APLP2: variants seen among roughly 807,000 people sequenced by gnomAD.
APLP2 encodes CDEI box-binding protein.
Under a neutral mutation model 89.9 loss-of-function variants are expected in APLP2, and 53 were observed. The observed-to-expected ratio is 0.59, with a 90% CI of 0.47 to 0.74. APLP2 has a LOEUF of 0.74. APLP2 is among the 30% of genes least tolerant of loss of function. APLP2 has a pLI of 0.00. For synonymous variants in APLP2, 372 were observed against 348.6 expected, an observed-to-expected ratio of 1.07 and a Z score of -0.75; for missense variants, 973 against 975.9, an observed-to-expected ratio of 1.00 and a Z score of 0.04.
chr11:130,096,721 A>C (rs927303360), intron 1 of APLP2, among the ~76,000 whole-genome samples: 1 of 152,182 alleles, frequency 6.6e-6, no homozygotes, highest in Non-Finnish European at 1.5e-5. Flanking sequence ...CTGTCTCTAA[A>C]AAATACCAAA....
Position 130,143,334 on chromosome 11 carries a change from T to G in APLP2, c.2155-13T>G. 6.2e-7 allele frequency: 1 copy of G among 1,612,926 alleles called. No individual in the cohort carries two copies. The highest frequency in any genetic ancestry group is 8.5e-7 in the Non-Finnish European group (1 of 1,179,184). ...CCAGACACCACAATGACCCTCAGGTTTTGTTCTTCCAGGTTGATCCAATGC... is the reference window on the plus strand; with the variant it reads ...CCAGACACCACAATGACCCTCAGGTGTTGTTCTTCCAGGTTGATCCAATGC... On this transcript the variant is annotated splice_polypyrimidine_tract_variant and intron_variant, in intron 16 of 16. Coordinates refer to ENST00000338167, the MANE Select transcript of APLP2 (RefSeq NM_001142276.2).
chr11:130,081,855 A>T (rs762073255), intron 1 of APLP2, among the ~76,000 whole-genome samples: 18 of 151,472 alleles, frequency 1.2e-4, no homozygotes, highest in Non-Finnish European at 2.1e-4. Context: ...GATATCTTTT[A>T]AAAAAAAATC....
rs1952671686 is a variant in APLP2, at chr11:130,143,523, A to AAGC, written c.*82_*84dup. ...GATCCCACGATTCCGATCGACTGCC[A>AAGC]AGCAGCAGCCGCTGCCAGGGGCTGC... On this transcript the variant is annotated 3_prime_UTR_variant, in exon 17 of 17. Coordinates refer to ENST00000338167, the MANE Select transcript of APLP2 (RefSeq NM_001142276.2). 7.7e-7 allele frequency: 1 copy of AAGC among 1,299,770 alleles called. No homozygotes were observed. The highest frequency in any genetic ancestry group is 1.7e-5 in the Admixed American group (1 of 58,976). 80.5% of individuals were successfully genotyped at this position (1,299,770 alleles called of 1,614,324 possible). A position where few individuals can be genotyped will look rare whatever the true frequency, so the allele number is the denominator to read the frequency against.
chr11:130,117,624 C>G (rs2135901424), intron 3 of APLP2, among the ~76,000 whole-genome samples: 1 of 152,196 alleles, frequency 6.6e-6, no homozygotes, highest in South Asian at 2.1e-4. Flanking sequence ...AGGCTGGTCT[C>G]AGTTCTTTTG....
At chr11:130,131,506 G>A (rs1177866155) in intron 11 of APLP2, among the ~76,000 whole-genome samples, 2 of 152,178 alleles carry the variant, frequency 1.3e-5, no homozygotes, top group East Asian at 1.9e-4. Context: ...AAAGGGGCTG[G>A]GTTGGAGACC....
intron 1 of APLP2, chr11:130,108,852 A>G (rs961422352): frequency 4.6e-5 from 7 of 152,248 alleles, no homozygotes; most frequent in Non-Finnish European, 7.3e-5. Flanking sequence ...GGCACATACC[A>G]TGGAATACTA....
chr11:130,114,955 C>A (rs1340779272), intron 3 of APLP2, among the ~76,000 whole-genome samples: 1 of 152,190 alleles, frequency 6.6e-6, no homozygotes, highest in East Asian at 1.9e-4. Flanking sequence ...CCTTTGAGTT[C>A]ATGACAGCCA....
At chr11:130,128,193 G>C (rs988362859) in intron 9 of APLP2, among the ~76,000 whole-genome samples, 2 of 152,136 alleles carry the variant, frequency 1.3e-5, no homozygotes, top group Non-Finnish European at 2.9e-5. Context: ...AAAGTCAAAG[G>C]ATAGAAAATA....
intron 1 of APLP2, among the ~76,000 whole-genome samples, chr11:130,094,866 G>A (rs1945981334): frequency 6.6e-6 from 1 of 152,202 alleles, no homozygotes; most frequent in Admixed American, 6.5e-5. Context: ...GATGAAGCAG[G>A]GAAATGGAGG....
At chr11:130,091,714 G>C (rs1307683168) in intron 1 of APLP2, among the ~76,000 whole-genome samples, 1 of 102,534 alleles carries the variant, frequency 9.8e-6, no homozygotes, top group African/African-American at 4.3e-5. Flanking sequence ...CTGGCCGGGC[G>C]GGGGGCTGAC....
chr11:130,088,782 A>G (rs1944477629), intron 1 of APLP2, among the ~76,000 whole-genome samples: 1 of 152,078 alleles, frequency 6.6e-6, no homozygotes, highest in Admixed American at 6.6e-5. Flanking sequence ...CTCCCAACTT[A>G]TAATATTAAT....
At chr11:130,120,028 T>C (rs1949641623) in intron 3 of APLP2, among the ~76,000 whole-genome samples, 1 of 152,226 alleles carries the variant, frequency 6.6e-6, no homozygotes, top group African/African-American at 2.4e-5. Flanking sequence ...GTAATGTCCC[T>C]GAGTTTGGAT....
intron 13 of APLP2, chr11:130,138,647 G>A (rs1032987419): frequency 6.9e-5 from 10 of 144,318 alleles, no homozygotes; most frequent in Non-Finnish European, 1.3e-4. Context: ...GTGCAGTGGT[G>A]CGGTCTTGGC....
At chr11:130,137,151 A>G in intron 13 of APLP2, 1 of 1,043,810 alleles carries the variant, frequency 9.6e-7, no homozygotes, top group Non-Finnish European at 1.5e-6. Context: ...TTTTGTTCAC[A>G]TTATAGAGAA....
intron 7 of APLP2, 140 bp from the exon 8 acceptor site, chr11:130,126,560 C>T (rs1205050518): frequency 1.1e-6 from 1 of 951,448 alleles, no homozygotes; most frequent in Non-Finnish European, 1.6e-6. Flanking sequence ...CAAGTGAAGT[C>T]TTGGCAGATA....
At chr11:130,070,270 G>C (rs1245264781) in intron 1 of APLP2, among the ~76,000 whole-genome samples, 188 bp downstream of exon 1, 2 of 151,232 alleles carry the variant, frequency 1.3e-5, no homozygotes, top group South Asian at 2.1e-4. Context: ...GCTGGAGGTC[G>C]GGCTGCCTCA....
intron 1 of APLP2, among the ~76,000 whole-genome samples, chr11:130,091,340 G>A (rs868732886): frequency 8.5e-3 from 1,153 of 135,108 alleles, no homozygotes; most frequent in African/African-American, 0.038. Flanking sequence ...CCTCCCTCCC[G>A]GACGGGGCGG....
At chr11:130,140,974 T>G (rs1952299608) in intron 14 of APLP2, 1 of 153,448 alleles carries the variant, frequency 6.5e-6, no homozygotes, top group Admixed American at 6.4e-5. Context: ...TGGCATGATC[T>G]CTGCTCACTG....
chr11:130,137,155 T>C (rs1305166770), intron 13 of APLP2: 2 of 1,069,332 alleles, frequency 1.9e-6, no homozygotes, highest in Non-Finnish European at 2.8e-6. Flanking sequence ...GTTCACATTA[T>C]AGAGAAATTC....
Sources: allele counts gnomAD v4.1 joint callset (sites outside exome capture counted in the v4.1 genomes callset), GRCh38; gene constraint gnomAD v4.1.1; transcripts MANE v1.5; gene names NCBI Gene and HGNC (gene_info 2026-07-23, HGNC 2026-07-21).